Variants in GRM8 observed in about 807,000 individuals in gnomAD.
GRM8 encodes the protein metabotropic glutamate receptor 8.
A neutral mutation model predicts 87.2 loss-of-function variants in GRM8; 47 were observed. The observed-to-expected ratio is 0.54, with a 90% CI of 0.43 to 0.69. GRM8 has a LOEUF of 0.69. GRM8 is among the 30% of genes least tolerant of loss of function. The probability of loss-of-function intolerance (pLI) is 0.00; values close to 1 mark genes in which losing one functional copy is unlikely to be tolerated. For missense variants in GRM8, 1,019 were observed against 1,139.2 expected (o/e 0.89, Z 1.52); for synonymous variants, 396 against 404.5 (o/e 0.98, Z 0.25).
intron 2 of GRM8, among the ~76,000 whole-genome samples, chr7:127,212,664 G>A (rs549563997): frequency 0.01 from 1,577 of 152,112 alleles, 10 homozygotes; most frequent in Middle Eastern, 0.017. Flanking sequence ...TGATCCGCCC[G>A]CCTCGGCCTC....
chr7:127,159,650 T>C (rs1326379804), intron 2 of GRM8, among the ~76,000 whole-genome samples: 2 of 152,188 alleles, frequency 1.3e-5, no homozygotes, highest in Admixed American at 6.5e-5. Context: ...CTTAAGATAA[T>C]CCTCATTTAG....
intron 2 of GRM8, among the ~76,000 whole-genome samples, chr7:127,152,318 C>T (rs1792437551): frequency 6.6e-6 from 1 of 151,922 alleles, no homozygotes; most frequent in African/African-American, 2.4e-5. Context: ...GCACTTGGCA[C>T]AATACAGAAA....
intron 6 of GRM8, among the ~76,000 whole-genome samples, chr7:126,851,302 C>A (rs140918567): frequency 6.6e-6 from 1 of 152,274 alleles, no homozygotes; most frequent in Non-Finnish European, 1.5e-5. Flanking sequence ...TCATGCCCCT[C>A]CTGGACTACT....
chr7:127,144,225 T>C (rs1278657805), intron 2 of GRM8, among the ~76,000 whole-genome samples: 1 of 152,116 alleles, frequency 6.6e-6, no homozygotes, highest in Admixed American at 6.6e-5. Context: ...CTCATTCCAC[T>C]AGACATTAAA....
rs537027466 is a variant in GRM8 at position 126,701,878 on chromosome 7, A to G, written c.1357+67987T>C. ...TAGTGATTATAATGAGTTAATGACTATATGCCTGGTTTGCTTTAGACAGCC... is the reference window on the plus strand; with the variant it reads ...TAGTGATTATAATGAGTTAATGACTGTATGCCTGGTTTGCTTTAGACAGCC... On this transcript the variant is annotated intron_variant, in intron 7 of 10. Transcript: ENST00000339582. The G allele has an allele frequency of 7.0e-6, 5 of 713,534 alleles. No individual in the cohort carries two copies. In the South Asian group the frequency reaches 7.2e-5, roughly 10 times the overall value. 44.2% of individuals were successfully genotyped at this position (713,534 alleles called of 1,614,324 possible). A position where few individuals can be genotyped will look rare whatever the true frequency, so the allele number is the denominator to read the frequency against.
intron 9 of GRM8, among the ~76,000 whole-genome samples, chr7:126,451,187 C>T (rs1802577106): frequency 6.6e-6 from 1 of 151,794 alleles, no homozygotes; most frequent in African/African-American, 2.4e-5. Context: ...CCCTTCGGTG[C>T]CTGACAGCAT....
chr7:127,146,177 C>A (rs1046388358), intron 2 of GRM8, among the ~76,000 whole-genome samples: 7 of 151,980 alleles, frequency 4.6e-5, no homozygotes, highest in Non-Finnish European at 1.0e-4. Flanking sequence ...ATCTACTCTG[C>A]TTTGTTTTTT....
intron 6 of GRM8, among the ~76,000 whole-genome samples, chr7:126,901,972 A>G (rs1367105647): frequency 6.6e-6 from 1 of 152,040 alleles, no homozygotes; most frequent in African/African-American, 2.4e-5. Flanking sequence ...TTCTATGTGC[A>G]CAATCATCTG....
intron 7 of GRM8, among the ~76,000 whole-genome samples, chr7:126,614,718 G>A (rs563033087): frequency 1.3e-5 from 2 of 152,298 alleles, no homozygotes; most frequent in South Asian, 2.1e-4. Context: ...CGAGAAATAC[G>A]TGATGAATGC....
At chr7:126,976,313 T>C (rs1810980746) in intron 3 of GRM8, among the ~76,000 whole-genome samples, 1 of 152,182 alleles carries the variant, frequency 6.6e-6, no homozygotes, top group Middle Eastern at 3.2e-3. Context: ...TACAAAGTAT[T>C]GGCCGGGCGC....
chr7:126,565,688 C>T (rs1334090701), intron 8 of GRM8, among the ~76,000 whole-genome samples: 1 of 151,910 alleles, frequency 6.6e-6, no homozygotes, highest in African/African-American at 2.4e-5. Flanking sequence ...AGAAAAAATC[C>T]TAAAATTTAT....
At chr7:126,495,474 C>A (rs1248593183) in intron 9 of GRM8, among the ~76,000 whole-genome samples, 1 of 151,916 alleles carries the variant, frequency 6.6e-6, no homozygotes, top group Non-Finnish European at 1.5e-5. Context: ...ATCTCAAGGC[C>A]TTTTATCATT....
chr7:126,695,670 T>C (rs906121966), intron 7 of GRM8, among the ~76,000 whole-genome samples: 2 of 152,148 alleles, frequency 1.3e-5, no homozygotes, highest in Non-Finnish European at 2.9e-5. Flanking sequence ...GTCCAGATGA[T>C]TAAGGTTTTT....
At chr7:127,123,291 G>A (rs554950292) in intron 2 of GRM8, among the ~76,000 whole-genome samples, 30 of 152,168 alleles carry the variant, frequency 2.0e-4, no homozygotes, top group Non-Finnish European at 1.6e-4. Context: ...CAAACCTCAC[G>A]TTGAAATTTC....
intron 5 of GRM8, among the ~76,000 whole-genome samples, 187 bp from the exon 6 acceptor site, chr7:126,902,866 G>C (rs759925061): frequency 6.6e-6 from 1 of 152,056 alleles, no homozygotes; most frequent in Non-Finnish European, 1.5e-5. Flanking sequence ...AGGATCAATG[G>C]ACAATCCCCC....
At chr7:126,456,265 T>C (rs1023451692) in intron 9 of GRM8, among the ~76,000 whole-genome samples, 3 of 151,394 alleles carry the variant, frequency 2.0e-5, no homozygotes, top group Admixed American at 1.3e-4. Context: ...CATTGACATA[T>C]GTCCAGCACT....
chr7:126,920,899 G>A (rs1310585096), intron 3 of GRM8, among the ~76,000 whole-genome samples: 3 of 151,428 alleles, frequency 2.0e-5, no homozygotes, highest in Non-Finnish European at 4.4e-5. Flanking sequence ...TGGTCCAAGG[G>A]TAATGACATA....
chr7:127,035,080 T>C (rs1358541796), intron 3 of GRM8, among the ~76,000 whole-genome samples: 3 of 152,344 alleles, frequency 2.0e-5, no homozygotes, highest in African/African-American at 4.8e-5. Context: ...AATACATCTT[T>C]GTATCACTGA....
chr7:126,791,255 CATGCTTAGA>C (rs1262057032), intron 6 of GRM8, among the ~76,000 whole-genome samples: 4 of 152,218 alleles, frequency 2.6e-5, no homozygotes, highest in Non-Finnish European at 5.9e-5. Flanking sequence ...TTTGAGATGT[CATGCTTAGA>C]TAATTGATAT....
Sources: allele counts gnomAD v4.1 joint callset (sites outside exome capture counted in the v4.1 genomes callset), GRCh38; gene constraint gnomAD v4.1.1; transcripts MANE v1.5; gene names NCBI Gene and HGNC (gene_info 2026-07-23, HGNC 2026-07-21).